The following ADARB2 variants were observed in gnomAD, a reference collection of about 807,000 sequenced individuals.
ADARB2 encodes adenosine deaminase RNA specific B2 (inactive).
In ADARB2, 25 loss-of-function variants were observed where a neutral mutation model predicts 62.2. The observed-to-expected ratio is 0.40, with a 90% confidence interval of 0.29 to 0.56. The LOEUF (loss-of-function observed/expected upper bound fraction) is 0.56. Ranked by LOEUF, ADARB2 falls within the 20% of genes least tolerant of loss-of-function variation. The pLI is 0.43. For missense variants in ADARB2, 1,071 were observed against 1,077.4 expected (o/e 0.99, Z 0.08); for synonymous variants, 572 against 500.8 (o/e 1.14, Z -1.90).
At chr10:1,596,977 G>A (rs1833344346) in intron 1 of ADARB2, among the ~76,000 whole-genome samples, 1 of 152,150 alleles carries the variant, frequency 6.6e-6, no homozygotes, top group Non-Finnish European at 1.5e-5. Flanking sequence ...GGGTGGCAGT[G>A]TGTGATTGTT....
At chr10:1,243,328 C>T (rs919681095) in intron 4 of ADARB2, among the ~76,000 whole-genome samples, 10 of 152,218 alleles carry the variant, frequency 6.6e-5, no homozygotes, top group Admixed American at 1.3e-4. Flanking sequence ...TGTAAATACA[C>T]GTCCGGACCA....
chr10:1,732,895 C>T (rs1402052549), intron 1 of ADARB2, among the ~76,000 whole-genome samples: 1 of 152,250 alleles, frequency 6.6e-6, no homozygotes, highest in African/African-American at 2.4e-5. Context: ...TTTTTATTTG[C>T]ATTTCACAAC....
At chr10:1,463,637 G>A (rs1365621437) in intron 1 of ADARB2, among the ~76,000 whole-genome samples, 1 of 152,172 alleles carries the variant, frequency 6.6e-6, no homozygotes, top group Non-Finnish European at 1.5e-5. Flanking sequence ...GTCTCAACTT[G>A]TGCTACTGAA....
chr10:1,615,425 T>A (rs1874997), intron 1 of ADARB2, among the ~76,000 whole-genome samples: 1 of 152,044 alleles, frequency 6.6e-6, no homozygotes, highest in South Asian at 2.1e-4. Context: ...CCATCGCCAG[T>A]TACCCACCAC....
At chr10:1,366,547 G>A (rs879643012) in intron 2 of ADARB2, among the ~76,000 whole-genome samples, 2 of 152,172 alleles carry the variant, frequency 1.3e-5, no homozygotes, top group South Asian at 2.1e-4. Context: ...CCCTGGGGAG[G>A]GTATTAATGT....
intron 1 of ADARB2, among the ~76,000 whole-genome samples, chr10:1,476,301 G>A (rs566395879): frequency 6.6e-6 from 1 of 152,208 alleles, no homozygotes; most frequent in East Asian, 1.9e-4. Context: ...CCAGCCCAGG[G>A]TGCCCAACTG....
At chr10:1,326,610 G>A (rs1482229294) in intron 3 of ADARB2, among the ~76,000 whole-genome samples, 1 of 152,186 alleles carries the variant, frequency 6.6e-6, no homozygotes, top group Admixed American at 6.5e-5. Flanking sequence ...GGAAGATGGA[G>A]GAGGAAATGA....
intron 1 of ADARB2, among the ~76,000 whole-genome samples, chr10:1,566,616 A>T (rs1832864677): frequency 1.3e-5 from 2 of 152,240 alleles, no homozygotes; most frequent in Non-Finnish European, 2.9e-5. Context: ...CAGATGGCAG[A>T]TTCAATGAGA....
chr10:1,675,292 A>C (rs1292415692), intron 1 of ADARB2: 1 of 970,856 alleles, frequency 1.0e-6, no homozygotes, highest in African/African-American at 1.9e-5. Flanking sequence ...GGATGCATGG[A>C]TGTTCTGGAG....
At chr10:1,485,062 C>A (rs1461768788) in intron 1 of ADARB2, among the ~76,000 whole-genome samples, 2 of 151,808 alleles carry the variant, frequency 1.3e-5, no homozygotes, top group Admixed American at 6.6e-5. Flanking sequence ...AGGAAGGTAC[C>A]TATGTAGGTA....
chr10:1,298,098 T>C (rs1181219940), intron 3 of ADARB2, among the ~76,000 whole-genome samples: 1 of 152,264 alleles, frequency 6.6e-6, no homozygotes, highest in Non-Finnish European at 1.5e-5. Flanking sequence ...TGGACCATTC[T>C]GTCATTTATT....
intron 2 of ADARB2, among the ~76,000 whole-genome samples, chr10:1,364,156 G>A (rs1431120011): frequency 6.6e-6 from 1 of 152,218 alleles, no homozygotes; most frequent in Non-Finnish European, 1.5e-5. Context: ...GTCGTCTTCT[G>A]GGCTGGCTCC....
At chr10:1,273,828 G>A (rs1396031226) in intron 3 of ADARB2, among the ~76,000 whole-genome samples, 1 of 152,176 alleles carries the variant, frequency 6.6e-6, no homozygotes, top group Non-Finnish European at 1.5e-5. Context: ...AGGACCTCCC[G>A]CATCTCCCAG....
At chr10:1,447,538 T>G (rs541153781) in intron 1 of ADARB2, among the ~76,000 whole-genome samples, 1 of 150,968 alleles carries the variant, frequency 6.6e-6, no homozygotes, top group Admixed American at 6.6e-5. Context: ...TGAAGACAGA[T>G]CATATGTAAT....
At chr10:1,572,077 A>G (rs1195105967) in intron 1 of ADARB2, among the ~76,000 whole-genome samples, 2 of 142,586 alleles carry the variant, frequency 1.4e-5, no homozygotes, top group Non-Finnish European at 3.0e-5. Flanking sequence ...GTGAGTGGAC[A>G]GGTGAGTGTG....
intron 1 of ADARB2, among the ~76,000 whole-genome samples, chr10:1,588,994 C>G (rs1192073907): frequency 2.0e-5 from 3 of 152,208 alleles, no homozygotes; most frequent in African/African-American, 4.8e-5. Context: ...AAATCTAAAA[C>G]CCTGTGGCTG....
At chr10:1,614,230 T>C (rs1261008721) in intron 1 of ADARB2, among the ~76,000 whole-genome samples, 1 of 152,204 alleles carries the variant, frequency 6.6e-6, no homozygotes, top group African/African-American at 2.4e-5. Context: ...AATACAAAAG[T>C]TAAAAAAATT....
intron 1 of ADARB2, chr10:1,678,143 G>T (rs1834489842): frequency 1.0e-6 from 1 of 985,210 alleles, no homozygotes; most frequent in Non-Finnish European, 1.2e-6. Context: ...CAGATGGCAG[G>T]GGCTTGGCTG....
chr10:1,390,089 A>G (rs1357651671), intron 1 of ADARB2, among the ~76,000 whole-genome samples: 1 of 152,246 alleles, frequency 6.6e-6, no homozygotes, highest in Non-Finnish European at 1.5e-5. Context: ...ATTGTGGTGC[A>G]TTTATACAAT....
Sources: gnomAD v4.1 joint callset for allele counts (sites outside exome capture counted in the v4.1 genomes callset) on GRCh38, gnomAD v4.1.1 for gene constraint, MANE v1.5 for transcripts, NCBI Gene and HGNC (gene_info 2026-07-23, HGNC 2026-07-21) for gene names.